Variants in F9 observed in about 807,000 individuals in gnomAD.
The protein encoded by F9 is coagulation factor IX.
Under a neutral mutation model 34.1 loss-of-function variants are expected in F9, and 2 were observed. The observed-to-expected ratio is 0.06, with a 90% CI of 0.02 to 0.18. The LOEUF (loss-of-function observed/expected upper bound fraction) is 0.18, where lower values mean the gene tolerates loss of function less well. F9 is among the 10% of genes least tolerant of loss of function. F9 has a pLI of 1.00. For synonymous variants in F9, 137 were observed against 118.8 expected (o/e 1.15, Z -1.00); for missense variants, 216 against 345.1 (o/e 0.63, Z 2.96).
intron 4 of F9, among the ~76,000 whole-genome samples, chrX:139,543,553 T>C (rs1370936434): frequency 8.9e-6 from 1 of 112,424 alleles, no homozygotes; most frequent in Non-Finnish European, 1.9e-5. Context: ...AGGAAATATG[T>C]TGAGTTTAGC....
At chrX:139,546,365 C>A (rs760700015) in intron 4 of F9, among the ~76,000 whole-genome samples, 16 of 111,884 alleles carry the variant, frequency 1.4e-4, no homozygotes, top group African/African-American at 5.2e-4. Flanking sequence ...GCTATTCTAA[C>A]ACTGTAATTT....
At chrX:139,557,863 G>A (rs1199777996) in intron 6 of F9, among the ~76,000 whole-genome samples, 1 of 112,456 alleles carries the variant, frequency 8.9e-6, no homozygotes, top group Non-Finnish European at 1.9e-5. Context: ...TGTAACTGAA[G>A]TCTGATGAGA....
In F9 at chrX:139,530,779, C is replaced by A; in HGVS notation, c.15C>A (p.Asn5Lys). ...TAGCAAAGGTTATGCAGCGCGTGAA[C>A]ATGATCATGGCAGAATCACCAGGCC... MQRV[N>K]MIMAESPGLI... The change falls in exon 1 of 8, where the codon AAC becomes AAA. Residue 5 changes from asparagine (N) to lysine (K), a missense_variant. Asn to Lys is a moderately conservative substitution (Grantham distance 94). This residue lies in a region of F9 where 39 missense variants were observed against 33.3 expected (regional missense o/e 1.17). Transcript: ENST00000218099. The A allele has an allele frequency of 8.3e-7, 1 of 1,210,847 alleles. No homozygotes were observed. Among genetic ancestry groups the A allele is most frequent in the Non-Finnish European group, 1.1e-6 (1 of 894,460 alleles).
chrX:139,560,590 T>C, intron 6 of F9, 151 bp from the exon 7 acceptor site: 1 of 472,384 alleles, frequency 2.1e-6, no homozygotes, highest in Non-Finnish European at 3.7e-6. Context: ...AAAACACTAA[T>C]TCATCTGCAA....
In F9 at chrX:139,537,400, T is replaced by C. The variant is rs1370460273; in HGVS notation, c.277+14T>C. The C allele has an allele frequency of 8.6e-7, 1 of 1,157,971 alleles. No individual in the cohort carries two copies. The highest frequency in any genetic ancestry group is 2.2e-5 in the Admixed American group (1 of 45,871). ...AGCAGTATGTTGGTAAGCAATTCAT[T>C]TTATCCTCTAGCTAATATATGAAAC... On this transcript the variant is annotated intron_variant, in intron 3 of 7. Coordinates refer to ENST00000218099, the MANE Select transcript of F9 (RefSeq NM_000133.4).
chrX:139,553,416 T>C (rs994619612), intron 6 of F9, among the ~76,000 whole-genome samples: 5 of 111,890 alleles, frequency 4.5e-5, no homozygotes, highest in African/African-American at 1.3e-4. Flanking sequence ...TGTGTTCTCA[T>C]GTATTTTCAT....
intron 3 of F9, among the ~76,000 whole-genome samples, chrX:139,538,701 C>T (rs1042578206): frequency 4.5e-5 from 5 of 111,311 alleles, no homozygotes; most frequent in Admixed American, 9.6e-5. Flanking sequence ...TCTCCATTCC[C>T]GCAGAATTTA....
At chrX:139,539,191 C>T (rs183956859) in intron 3 of F9, among the ~76,000 whole-genome samples, 1 of 111,883 alleles carries the variant, frequency 8.9e-6, no homozygotes, top group East Asian at 2.8e-4. Context: ...TACAAAAGGC[C>T]TATCACATTT....
In F9 at chrX:139,559,341, T is replaced by A. The variant is rs1346256698; in HGVS notation, c.724-1400T>A. On this transcript the variant is annotated intron_variant, in intron 6 of 7. Transcript: ENST00000218099. ...AGGCCAAGGCGGGCGGATCACGAGG[T>A]TGAGAGATCGAGACCATCCTGGCCA... 2.7e-5 allele frequency among the ~76,000 whole-genome samples: 3 copies of A among 111,911 alleles called. No individual in the cohort carries two copies. In the East Asian group the frequency reaches 8.4e-4, roughly 31 times the overall value.
intron 6 of F9, among the ~76,000 whole-genome samples, chrX:139,556,567 C>CTA (rs1927972756): frequency 1.8e-5 from 2 of 112,152 alleles, no homozygotes; most frequent in South Asian, 7.4e-4. Flanking sequence ...GGTCTTAAGA[C>CTA]TATAGTAATA....
At chrX:139,559,072 A>G (rs1007526297) in intron 6 of F9, among the ~76,000 whole-genome samples, 6 of 112,531 alleles carry the variant, frequency 5.3e-5, no homozygotes, top group African/African-American at 1.9e-4. Flanking sequence ...ATATCATGTC[A>G]TAAGGATATT....
intron 3 of F9, among the ~76,000 whole-genome samples, chrX:139,538,281 T>A (rs1404262617): frequency 1.8e-5 from 2 of 112,260 alleles, no homozygotes; most frequent in East Asian, 5.6e-4. Flanking sequence ...ATTTATCAAA[T>A]GAATTGACCA....
chrX:139,551,102 T>A lies in F9; in HGVS notation c.561T>A (p.Ser187=). The A allele has an allele frequency of 8.3e-7, 1 of 1,211,987 alleles. No homozygotes were observed. The highest frequency in any genetic ancestry group is 1.1e-6 in the Non-Finnish European group (1 of 895,438). ...GAAGAGTTTCTGTTTCACAAACTTC[T>A]AAGCTCACCCGTGCTGAGACTGTTT... ...PCGRVSVSQT[S]KLTRAETVFP... The change falls in exon 6 of 8, where the codon TCT becomes TCA. Residue 187 remains serine (S), a synonymous_variant. Transcript: ENST00000218099.
intron 4 of F9, among the ~76,000 whole-genome samples, chrX:139,546,296 GA>G (rs1927715786): frequency 8.9e-6 from 1 of 111,746 alleles, no homozygotes; most frequent in Admixed American, 9.5e-5. Context: ...TGGTATATAT[GA>G]ACCACATTTT....
chrX:139,534,746 G>T (rs1927417038), intron 1 of F9, among the ~76,000 whole-genome samples: 1 of 111,546 alleles, frequency 9.0e-6, no homozygotes, highest in Admixed American at 9.6e-5. Flanking sequence ...CTTGATATTT[G>T]CAGGGGGTCT....
intron 3 of F9, 99 bp downstream of exon 3, chrX:139,537,485 A>G (rs1242904772): frequency 7.0e-6 from 5 of 718,918 alleles, no homozygotes; most frequent in Non-Finnish European, 8.6e-6. Flanking sequence ...AACTTTGTCA[A>G]AAGGACTCAG....
Position 139,561,578 on chromosome X carries a change from G to A in F9, c.893G>A (p.Arg298Gln), listed in dbSNP as rs757868547. The change falls in exon 8 of 8, where the codon CGA becomes CAA. Residue 298 changes from arginine (R) to glutamine (Q), a missense_variant. Arg to Gln is a conservative substitution (Grantham distance 43). This residue lies in a region of F9 where 177 missense variants were observed against 311.8 expected (regional missense o/e 0.57). Transcript: ENST00000218099. ...ACAGAGCAAAAGCGAAATGTGATTCGAATTATTCCTCACCACAACTACAAT... is the reference window on the plus strand; with the variant it reads ...ACAGAGCAAAAGCGAAATGTGATTCAAATTATTCCTCACCACAACTACAAT... ...EHTEQKRNVI[R>Q]IIPHHNYNAA... 1.3e-5 allele frequency: 16 copies of A among 1,205,926 alleles called. No individual in the cohort carries two copies. The highest frequency in any genetic ancestry group is 4.4e-5 in the Admixed American group (2 of 45,587).
chrX:139,535,047 G>A (rs1927424992), intron 1 of F9, among the ~76,000 whole-genome samples: 1 of 111,295 alleles, frequency 9.0e-6, no homozygotes. Context: ...TGAGAAATAT[G>A]GCCAATGAAG....
intron 4 of F9, among the ~76,000 whole-genome samples, chrX:139,542,085 A>C (rs1040812842): frequency 1.8e-5 from 2 of 111,776 alleles, no homozygotes; most frequent in Admixed American, 9.5e-5. Context: ...GTAGAAAATT[A>C]GCAGGACTCT....
Sources: gnomAD v4.1 joint callset for allele counts (sites outside exome capture counted in the v4.1 genomes callset) on GRCh38, gnomAD v4.1.1 for gene constraint, gnomAD v4.1.1 regional missense constraint, MANE v1.5 for transcripts, NCBI Gene and HGNC (gene_info 2026-07-23, HGNC 2026-07-21) for gene names.